STX7: variants seen among roughly 807,000 people sequenced by gnomAD.
STX7 encodes syntaxin 7.
A neutral mutation model predicts 39.6 loss-of-function variants in STX7; 34 were observed. The observed-to-expected ratio is 0.86, with a 90% CI of 0.65 to 1.14. The LOEUF (loss-of-function observed/expected upper bound fraction) is 1.14, where lower values mean the gene tolerates loss of function less well. STX7 is among the 50% of genes most tolerant of loss of function. The pLI is 0.00. For missense variants in STX7, 284 were observed against 310.4 expected (o/e 0.92, Z 0.64); for synonymous variants, 119 against 99.1 (o/e 1.20, Z -1.19).
At chr6:132,504,562 G>T (rs753263402) in intron 1 of STX7, among the ~76,000 whole-genome samples, 1 of 152,184 alleles carries the variant, frequency 6.6e-6, no homozygotes, top group Non-Finnish European at 1.5e-5. Context: ...CTGCAAAATT[G>T]TTGGTGGTCA....
Position 132,452,676 on chromosome 6 carries a change from T to C in STX7, c.*8082A>G, listed in dbSNP as rs755439396. 5 of 152,120 alleles carry C rather than the reference T, an allele frequency of 3.3e-5. No individual in the cohort carries two copies. The highest frequency in any genetic ancestry group is 1.2e-4 in the African/African-American group (5 of 41,428). 9.4% of individuals were successfully genotyped at this position (152,120 alleles called of 1,614,324 possible). ...GCTTAGGTATAAATCTAACAAAACA[T>C]GTACAGACCTTGTATGCTGAAAACC... On this transcript the variant is annotated 3_prime_UTR_variant, in exon 10 of 10. Coordinates refer to ENST00000367941, the MANE Select transcript of STX7 (RefSeq NM_003569.3).
intron 2 of STX7, among the ~76,000 whole-genome samples, chr6:132,495,736 A>T (rs1775407472): frequency 2.0e-5 from 3 of 152,136 alleles, no homozygotes. Flanking sequence ...GACCCTAACT[A>T]ATTAAAAGAA....
intron 2 of STX7, among the ~76,000 whole-genome samples, chr6:132,491,443 A>G (rs939270990): frequency 6.6e-6 from 1 of 152,152 alleles, no homozygotes; most frequent in South Asian, 2.1e-4. Flanking sequence ...ACAATAACAG[A>G]CAGACGCAGA....
At position 132,447,946 on chromosome 6, in the gene STX7, G is replaced by C. The variant is rs1287373038; in HGVS notation, c.*12812C>G. The C allele has an allele frequency of 2.0e-5, 3 of 151,950 alleles. No individual in the cohort carries two copies. The highest frequency in any genetic ancestry group is 2.0e-4 in the Admixed American group (3 of 15,240). 9.4% of individuals were successfully genotyped at this position (151,950 alleles called of 1,614,324 possible). On this transcript the variant is annotated 3_prime_UTR_variant, in exon 10 of 10. Coordinates refer to ENST00000367941, the MANE Select transcript of STX7 (RefSeq NM_003569.3). ...TCTTGCATTTTTGTGGTCTATCAAA[G>C]TTGGGATTTCTAAAGTGTTTTTCCC...
Position 132,446,975 on chromosome 6 carries a change from A to AG in STX7, c.*13782dup, listed in dbSNP as rs1774026160. ...GCCTAGGAGCCATGAATAACTGCCGAGGGTACCATAGACACTGGGTTGGAC... is the reference window on the plus strand; with the variant it reads ...GCCTAGGAGCCATGAATAACTGCCGAGGGGTACCATAGACACTGGGTTGGAC... On this transcript the variant is annotated 3_prime_UTR_variant, in exon 10 of 10. Coordinates refer to ENST00000367941, the MANE Select transcript of STX7 (RefSeq NM_003569.3). 6.6e-6 allele frequency: 1 copy of AG among 152,230 alleles called. No individual in the cohort carries two copies. The highest frequency in any genetic ancestry group is 2.1e-4 in the South Asian group (1 of 4,836). The allele number at this position is 152,230 out of a possible 1,614,324, so 9.4% of individuals were successfully genotyped here.
chr6:132,487,498 G>C (rs1775169301), intron 2 of STX7, among the ~76,000 whole-genome samples: 1 of 152,116 alleles, frequency 6.6e-6, no homozygotes, highest in African/African-American at 2.4e-5. Context: ...GCAGGGGAGG[G>C]AGAGCATTAG....
At chr6:132,476,550 A>G (rs1201122565) in intron 2 of STX7, among the ~76,000 whole-genome samples, 1 of 152,178 alleles carries the variant, frequency 6.6e-6, no homozygotes, top group African/African-American at 2.4e-5. Context: ...TGAATCAGGA[A>G]AAAAGCAAGC....
intron 2 of STX7, among the ~76,000 whole-genome samples, chr6:132,497,371 T>C (rs765722094): frequency 3.9e-5 from 6 of 152,186 alleles, no homozygotes; most frequent in Admixed American, 2.0e-4. Flanking sequence ...TAATCAATGA[T>C]GTTAACAAAG....
chr6:132,510,137 AG>A (rs2114491918), intron 1 of STX7, among the ~76,000 whole-genome samples: 1 of 152,378 alleles, frequency 6.6e-6, no homozygotes, highest in East Asian at 1.9e-4. Flanking sequence ...ACAGCTAGGT[AG>A]GAGGAATGAA....
At chr6:132,480,059 C>G (rs182299136) in intron 2 of STX7, among the ~76,000 whole-genome samples, 6 of 152,096 alleles carry the variant, frequency 3.9e-5, no homozygotes, top group African/African-American at 1.4e-4. Flanking sequence ...ACCCACTGTG[C>G]CCCCTGTGGC....
intron 8 of STX7, among the ~76,000 whole-genome samples, chr6:132,464,759 C>G (rs1410044504): frequency 6.6e-6 from 1 of 152,148 alleles, no homozygotes. Context: ...AAGGTAAATA[C>G]AGAGTGCTGA....
At position 132,453,212 on chromosome 6, in the gene STX7, G is replaced by A. The variant is rs1415065892; in HGVS notation, c.*7546C>T. Reference sequence around the variant, plus strand: ...ATCCATAGGCAACAACAAAAAAAATGAACCCAGACCTAAGTCTCACATTTT... The same window carrying A: ...ATCCATAGGCAACAACAAAAAAAATAAACCCAGACCTAAGTCTCACATTTT... On this transcript the variant is annotated 3_prime_UTR_variant, in exon 10 of 10. Transcript: ENST00000367941. The A allele has an allele frequency of 6.6e-6, 1 of 151,980 alleles. No individual in the cohort carries two copies. Among genetic ancestry groups the A allele is most frequent in the East Asian group, 1.9e-4 (1 of 5,194 alleles). The allele number at this position is 151,980 out of a possible 1,614,324, so 9.4% of individuals were successfully genotyped here. A position where few individuals can be genotyped will look rare whatever the true frequency, so the allele number is the denominator to read the frequency against.
chr6:132,490,665 C>T (rs542415007), intron 2 of STX7, among the ~76,000 whole-genome samples: 1 of 152,118 alleles, frequency 6.6e-6, no homozygotes, highest in Non-Finnish European at 1.5e-5. Flanking sequence ...GAGCTCCACA[C>T]TGTCACCAGC....
chr6:132,462,581 G>GC (rs1315441250), intron 9 of STX7, among the ~76,000 whole-genome samples: 1 of 120,726 alleles, frequency 8.3e-6, no homozygotes, highest in African/African-American at 3.2e-5. Flanking sequence ...GCATTTGCAG[G>GC]GGTGTGTGTG....
Position 132,472,266 on chromosome 6 carries a change from T to G in STX7, c.249+16A>C, listed in dbSNP as rs1287046227. 2.7e-5 allele frequency: 44 copies of G among 1,600,676 alleles called. No homozygotes were observed. Among genetic ancestry groups the G allele is most frequent in the Non-Finnish European group, 3.8e-5 (44 of 1,171,752 alleles). On this transcript the variant is annotated intron_variant, in intron 4 of 9. Transcript: ENST00000367941. The stretch of plus-strand genomic sequence containing the variant: ...TCACATTCAATACATCAACAATGTG[T>G]CTTAAAGCTTGATACCTGTTCACTG...
intron 2 of STX7, among the ~76,000 whole-genome samples, chr6:132,502,458 A>G (rs1015887788): frequency 6.6e-6 from 1 of 152,058 alleles, no homozygotes; most frequent in Non-Finnish European, 1.5e-5. Flanking sequence ...TACAAACAAA[A>G]AAAAGTAAAA....
intron 2 of STX7, among the ~76,000 whole-genome samples, chr6:132,478,254 A>G (rs1774924154): frequency 6.6e-6 from 1 of 152,144 alleles, no homozygotes; most frequent in Non-Finnish European, 1.5e-5. Context: ...CTGAATAGCA[A>G]AAAAAGGACC....
chr6:132,463,388 T>C (rs1297263582), intron 9 of STX7, among the ~76,000 whole-genome samples: 1 of 152,224 alleles, frequency 6.6e-6, no homozygotes, highest in Non-Finnish European at 1.5e-5. Flanking sequence ...TTGATAGTTC[T>C]AATATTTGTA....
At chr6:132,493,750 T>C (rs1582674238) in intron 2 of STX7, among the ~76,000 whole-genome samples, 1 of 152,192 alleles carries the variant, frequency 6.6e-6, no homozygotes, top group African/African-American at 2.4e-5. Flanking sequence ...CAAAAAGGGA[T>C]CAAAGAGATG....
Sources: allele counts gnomAD v4.1 joint callset (sites outside exome capture counted in the v4.1 genomes callset), GRCh38; gene constraint gnomAD v4.1.1; transcripts MANE v1.5; gene names NCBI Gene and HGNC (gene_info 2026-07-23, HGNC 2026-07-21).